NBPF12: variants seen among roughly 807,000 people sequenced by gnomAD.
NBPF12 encodes NBPF family member NBPF12.
NBPF12 carries 115 observed loss-of-function variants against 146.4 expected under a neutral mutation model. The ratio of observed to expected loss-of-function variants is 0.79; its 90% confidence interval spans 0.68 to 0.92. NBPF12 has a LOEUF of 0.92. NBPF12 is among the 40% of genes least tolerant of loss of function. NBPF12 has a pLI of 0.00. For synonymous variants in NBPF12, 385 were observed against 508.9 expected, an observed-to-expected ratio of 0.76 and a Z score of 3.28; for missense variants, 1,205 against 1,326.8, an observed-to-expected ratio of 0.91 and a Z score of 1.43.
chr1:146,939,509 T>C (rs1444951881), intron 1 of NBPF12, among the ~76,000 whole-genome samples: 94 of 152,070 alleles, frequency 6.2e-4, no homozygotes, highest in Non-Finnish European at 2.4e-4. Context: ...ACCTCATGAC[T>C]AGCGGGGCAA....
At chr1:146,954,684 A>G (rs1553884197) in intron 2 of NBPF12, among the ~76,000 whole-genome samples, 2,094 of 150,428 alleles carry the variant, frequency 0.014, 26 homozygotes, top group Non-Finnish European at 0.023. Flanking sequence ...AAATAGCAAT[A>G]TTATAAAAGA....
intron 21 of NBPF12, among the ~76,000 whole-genome samples, chr1:146,984,470 C>G (rs1483101665): frequency 6.7e-6 from 1 of 150,150 alleles, no homozygotes; most frequent in African/African-American, 2.5e-5. Context: ...ATTATTGAGG[C>G]CATGCTTTTC....
chr1:146,964,851 G>C (rs1656089438), intron 7 of NBPF12, 42 bp from the exon 11 acceptor site: 1 of 1,396,620 alleles, frequency 7.2e-7, no homozygotes, highest in Non-Finnish European at 1.0e-6. Flanking sequence ...CAATCCCTCT[G>C]TGTTTAATCT....
At chr1:146,949,661 G>A (rs1211495975) in intron 1 of NBPF12, among the ~76,000 whole-genome samples, 2 of 118,534 alleles carry the variant, frequency 1.7e-5, no homozygotes, top group East Asian at 2.6e-4. Context: ...ACTAAAATCC[G>A]GGAATGGGCT....
chr1:146,966,567 G>T, exon 9 of NBPF12: 2 of 1,358,408 alleles, frequency 1.5e-6, no homozygotes, highest in South Asian at 2.3e-5. Context: ...TCAATGAGAA[G>T]TTGCGCCCCC....
chr1:146,966,407 G>T (rs1656213399), intron 8 of NBPF12, 57 bp from the exon 12 acceptor site: 20 of 1,316,288 alleles, frequency 1.5e-5, no homozygotes, highest in Non-Finnish European at 2.1e-5. Context: ...TCCTGATTAA[G>T]CCTACTTGAT....
In NBPF12 at chr1:146,941,277, GT is replaced by G. The variant is rs1342736994; in HGVS notation, c.-821-2010del. Among the ~76,000 whole-genome samples, 33 of 151,748 alleles carry G rather than the reference GT, an allele frequency of 2.2e-4. 1 individual carries two copies. Among genetic ancestry groups the G allele is most frequent in the African/African-American group, 7.5e-4 (31 of 41,304 alleles). On this transcript the variant is annotated intron_variant, in intron 1 of 35. Transcript: ENST00000617931. ...TTTTTGTATTTTTACTAGACATGGG[GT>G]TTTGCCATGTTGCATAGCCCGATAC...
At chr1:146,943,927 C>T (rs1382683851) in intron 2 of NBPF12, among the ~76,000 whole-genome samples, 2 of 142,840 alleles carry the variant, frequency 1.4e-5, no homozygotes, top group Non-Finnish European at 3.0e-5. Flanking sequence ...CCTGCTTTCT[C>T]CTCTTCAGCT....
intron 14 of NBPF12, 49 bp downstream of exon 17, chr1:146,973,009 C>G: frequency 1.2e-6 from 1 of 847,366 alleles, no homozygotes; most frequent in Non-Finnish European, 2.1e-6. Context: ...GAAGTCCTGT[C>G]TTCTCTCTGA....
Position 146,976,674 on chromosome 1 carries a change from G to A in NBPF12, c.2120-255G>A, listed in dbSNP as rs1328826343. 2.0e-5 allele frequency among the ~76,000 whole-genome samples: 3 copies of A among 151,754 alleles called. 1 individual carries two copies. The highest frequency in any genetic ancestry group is 7.3e-5 in the African/African-American group (3 of 41,054). ...CAAAGTCCAGAGAGAGGCTGCACAA[G>A]CCTCCAGTGATATGGGAAGCAAAAG... On this transcript the variant is annotated intron_variant, in intron 16 of 33. Coordinates refer to ENST00000617844, the Ensembl canonical transcript of NBPF12.
At chr1:146,941,652 G>T (rs1654808242) in intron 1 of NBPF12, among the ~76,000 whole-genome samples, 1 of 146,452 alleles carries the variant, frequency 6.8e-6, no homozygotes, top group African/African-American at 2.5e-5. Flanking sequence ...TACTCAGGAG[G>T]CTGAGGCAGG....
At position 146,958,007 on chromosome 1, in the gene NBPF12, G is replaced by T. The variant is rs1172828975; in HGVS notation, c.-183-1852G>T. Among the ~76,000 whole-genome samples the T allele has an allele frequency of 4.2e-5, 5 of 120,084 alleles. 1 individual carries two copies. The highest frequency in any genetic ancestry group is 1.1e-4 in the African/African-American group (4 of 34,936). 78.8% of individuals were successfully genotyped at this position (120,084 alleles called of 152,430 possible). A position where few individuals can be genotyped will look rare whatever the true frequency, so the allele number is the denominator to read the frequency against. On this transcript the variant is annotated intron_variant, in intron 2 of 33. Coordinates refer to ENST00000617844, the Ensembl canonical transcript of NBPF12. ...TGTGTGTATATATATATATACATGT[G>T]TATATATAAATAATACATATACACG... is the stretch of plus-strand genomic sequence containing the variant.
intron 21 of NBPF12, among the ~76,000 whole-genome samples, chr1:146,984,577 CTGTGTGTGTGTG>C (rs1195588193): frequency 0.29 from 37,781 of 132,556 alleles, 5,480 homozygotes; most frequent in South Asian, 0.49. Context: ...TGAGCTCACA[CTGTGTGTGTGTG>C]TGTGTGTGTG....
chr1:146,964,883 G>T lies in NBPF12; in HGVS notation c.567-10G>T. On this transcript the variant is annotated splice_polypyrimidine_tract_variant and intron_variant, in intron 7 of 33. Coordinates refer to ENST00000617844, the Ensembl canonical transcript of NBPF12. Reference sequence around the variant, plus strand: ...ATCTTCTGTCATCTCTGTCCCACCTGGCTCATCAGGGAGGTGCAGAAGGCT... The same window carrying T: ...ATCTTCTGTCATCTCTGTCCCACCTTGCTCATCAGGGAGGTGCAGAAGGCT... 6.4e-7 allele frequency: 1 copy of T among 1,562,244 alleles called. No individual in the cohort carries two copies. The highest frequency in any genetic ancestry group is 8.8e-7 in the Non-Finnish European group (1 of 1,136,634).
chr1:146,974,877 G>T lies in NBPF12; in HGVS notation c.1904+36G>T, dbSNP rs1656880095. On this transcript the variant is annotated intron_variant, in intron 15 of 33. Transcript: ENST00000617844. ...CCCATGGGGGCAGACAGGGGGGCAGGTGTGTAAATCTCTGAAGTACAGTAG... is the reference window on the plus strand; with the variant it reads ...CCCATGGGGGCAGACAGGGGGGCAGTTGTGTAAATCTCTGAAGTACAGTAG... 9 of 1,221,204 alleles carry T rather than the reference G, an allele frequency of 7.4e-6. 3 individuals are homozygous for T. The highest frequency in any genetic ancestry group is 2.5e-5 in the South Asian group (2 of 80,780). The allele number at this position is 1,221,204 out of a possible 1,614,324, so 75.6% of individuals were successfully genotyped here.
chr1:146,989,701 T>C (rs1376774160), exon 28 of NBPF12: 1 of 1,611,132 alleles, frequency 6.2e-7, no homozygotes, highest in Non-Finnish European at 8.5e-7. Context: ...AAGTGCCTTT[T>C]ACGTATTGGA....
chr1:146,955,146 T>G (rs1655528637), intron 2 of NBPF12, among the ~76,000 whole-genome samples: 1 of 82,330 alleles, frequency 1.2e-5, no homozygotes, highest in African/African-American at 4.5e-5. Context: ...GAAAAGATGC[T>G]CCACTGTTTA....
At chr1:146,940,812 A>G (rs1295525147) in intron 1 of NBPF12, among the ~76,000 whole-genome samples, 1 of 151,926 alleles carries the variant, frequency 6.6e-6, no homozygotes, top group Non-Finnish European at 1.5e-5. Flanking sequence ...TTATTCTCGT[A>G]GAGGTGCAGT....
In NBPF12 at chr1:146,975,058, A is replaced by G. The variant is rs1397393274; in HGVS notation, c.1904+217A>G. ...CTCAGAGCCTTGTTTTCTCTTTTTC[A>G]AACAAGTAATTGTTGATGTGAAATT... is the stretch of plus-strand genomic sequence containing the variant. On this transcript the variant is annotated intron_variant, in intron 15 of 33. Coordinates refer to ENST00000617844, the Ensembl canonical transcript of NBPF12. Among the ~76,000 whole-genome samples the G allele has an allele frequency of 1.3e-4, 16 of 120,540 alleles. 1 individual carries two copies. Among genetic ancestry groups the G allele is most frequent in the African/African-American group, 5.6e-4 (16 of 28,468 alleles). The allele number at this position is 120,540 out of a possible 152,430, so 79.1% of individuals were successfully genotyped here.
Sources: allele counts gnomAD v4.1 joint callset (sites outside exome capture counted in the v4.1 genomes callset), GRCh38; gene constraint gnomAD v4.1.1; transcripts MANE v1.5; gene names NCBI Gene and HGNC (gene_info 2026-07-23, HGNC 2026-07-21).